CACNA2D1: variants seen among roughly 807,000 people sequenced by gnomAD.
The protein encoded by CACNA2D1 is voltage-dependent calcium channel subunit alpha-2/delta-1.
Under a neutral mutation model 171.5 loss-of-function variants are expected in CACNA2D1, and 53 were observed. The ratio of observed to expected loss-of-function variants is 0.31; its 90% CI spans 0.25 to 0.39. The LOEUF (loss-of-function observed/expected upper bound fraction) is 0.39, where lower values mean the gene tolerates loss of function less well. Ranked by LOEUF, CACNA2D1 falls within the 10% of genes least tolerant of loss-of-function variation. The probability of loss-of-function intolerance (pLI) is 1.00; values close to 1 mark genes in which losing one functional copy is unlikely to be tolerated. For missense variants in CACNA2D1, 903 were observed against 1,299.8 expected (o/e 0.69, Z 4.69); for synonymous variants, 442 against 443.1 (o/e 1.00, Z 0.03).
intron 3 of CACNA2D1, among the ~76,000 whole-genome samples, chr7:82,190,955 T>A (rs953711490): frequency 2.0e-5 from 3 of 151,742 alleles, no homozygotes; most frequent in Non-Finnish European, 4.4e-5. Flanking sequence ...TGTTCCATTG[T>A]ATATGTATAG....
intron 3 of CACNA2D1, among the ~76,000 whole-genome samples, chr7:82,281,716 T>A (rs1016600204): frequency 6.6e-6 from 1 of 152,170 alleles, no homozygotes; most frequent in Non-Finnish European, 1.5e-5. Flanking sequence ...TTTGTATCAA[T>A]GTTAAATGTA....
chr7:82,306,877 CA>C (rs56102718), intron 3 of CACNA2D1, among the ~76,000 whole-genome samples: 61,143 of 134,066 alleles, frequency 0.46, 14,108 homozygotes, highest in African/African-American at 0.67. Flanking sequence ...CGAAAAAATA[CA>C]AAAAAAAAAA....
At chr7:82,303,054 T>C (rs557397998) in intron 3 of CACNA2D1, among the ~76,000 whole-genome samples, 23 of 152,038 alleles carry the variant, frequency 1.5e-4, no homozygotes, top group South Asian at 6.2e-4. Context: ...AGTGCAGTGG[T>C]GCGATCTCGG....
At position 82,258,863 on chromosome 7, in the gene CACNA2D1, A is replaced by T. The variant is rs181560636; in HGVS notation, c.294+76272T>A. Among the ~76,000 whole-genome samples the T allele has an allele frequency of 1.2e-4, 14 of 113,874 alleles. No homozygotes were observed. In the East Asian group the frequency reaches 3.5e-3, roughly 29 times the overall value. The allele number at this position is 113,874 out of a possible 152,430, so 74.7% of individuals were successfully genotyped here. A position where few individuals can be genotyped will look rare whatever the true frequency, so the allele number is the denominator to read the frequency against. Reference sequence around the variant, plus strand: ...TTGAGACAGTTTCGCTCCGTTGCACAGGCTGGAGTGAAGTGGCACAATGGC... The same window carrying T: ...TTGAGACAGTTTCGCTCCGTTGCACTGGCTGGAGTGAAGTGGCACAATGGC... On this transcript the variant is annotated intron_variant, in intron 3 of 38. Transcript: ENST00000356860.
chr7:82,238,632 T>C (rs1803892585), intron 3 of CACNA2D1, among the ~76,000 whole-genome samples: 1 of 152,102 alleles, frequency 6.6e-6, no homozygotes, highest in Non-Finnish European at 1.5e-5. Flanking sequence ...GAAGTGTAAA[T>C]TGGTTCAGCC....
chr7:82,303,689 A>G (rs368561357), intron 3 of CACNA2D1, among the ~76,000 whole-genome samples: 110 of 152,138 alleles, frequency 7.2e-4, no homozygotes, highest in African/African-American at 2.6e-3. Context: ...CTGGGCCCCT[A>G]TCTTTCACCA....
chr7:82,242,274 AT>A (rs10718788), intron 3 of CACNA2D1, among the ~76,000 whole-genome samples: 36,433 of 152,002 alleles, frequency 0.24, 4,917 homozygotes, highest in Non-Finnish European at 0.31. Flanking sequence ...TACTAAAATA[AT>A]TTTTAATACA....
chr7:82,306,502 A>G (rs1813750964), intron 3 of CACNA2D1, among the ~76,000 whole-genome samples: 1 of 152,242 alleles, frequency 6.6e-6, no homozygotes, highest in African/African-American at 2.4e-5. Flanking sequence ...GGGAAAGTCC[A>G]ATTGCACATG....
intron 38 of CACNA2D1, among the ~76,000 whole-genome samples, chr7:81,955,328 G>A (rs1562768817): frequency 6.6e-6 from 1 of 152,094 alleles, no homozygotes; most frequent in Non-Finnish European, 1.5e-5. Flanking sequence ...CTACATTGGA[G>A]CATAGACCAT....
At chr7:81,998,674 T>G (rs1798290954) in intron 18 of CACNA2D1, among the ~76,000 whole-genome samples, 1 of 152,058 alleles carries the variant, frequency 6.6e-6, no homozygotes, top group Admixed American at 6.6e-5. Context: ...GCTTAAGTAC[T>G]CTATCACTAC....
rs1377701025 is a variant in CACNA2D1 at position 82,140,968 on chromosome 7, AAG to A, written c.355-4294_355-4293del. On this transcript the variant is annotated intron_variant, in intron 4 of 38. Transcript: ENST00000356860. ...AGACTCGTCTCTAAAAAAAAAAAAAAAGAAAAAAAAATTGCAATTATTCGTTT... is the reference window on the plus strand; with the variant it reads ...AGACTCGTCTCTAAAAAAAAAAAAAAAAAAAAAAATTGCAATTATTCGTTT... Among the ~76,000 whole-genome samples the A allele has an allele frequency of 3.8e-4, 32 of 83,126 alleles. 2 individuals carry two copies. Among genetic ancestry groups the A allele is most frequent in the South Asian group, 9.1e-4 (2 of 2,192 alleles). The allele number at this position is 83,126 out of a possible 152,430, so 54.5% of individuals were successfully genotyped here.
intron 1 of CACNA2D1, among the ~76,000 whole-genome samples, chr7:82,400,867 C>A (rs889014295): frequency 1.3e-5 from 2 of 151,560 alleles, no homozygotes; most frequent in African/African-American, 4.9e-5. Context: ...AAGAAAAAAA[C>A]AAACAACCCC....
intron 12 of CACNA2D1, among the ~76,000 whole-genome samples, chr7:82,019,798 G>T (rs1800966489): frequency 6.6e-6 from 1 of 151,956 alleles, no homozygotes; most frequent in Admixed American, 6.6e-5. Context: ...AAGAATAATG[G>T]AAATTAGTCT....
chr7:82,287,280 C>T (rs1159828676), intron 3 of CACNA2D1, among the ~76,000 whole-genome samples: 1 of 147,072 alleles, frequency 6.8e-6, no homozygotes, highest in African/African-American at 2.6e-5. Flanking sequence ...TTTTAATACA[C>T]TAGAGTCCCT....
chr7:82,132,500 C>G (rs1791108973), intron 5 of CACNA2D1, among the ~76,000 whole-genome samples: 1 of 152,158 alleles, frequency 6.6e-6, no homozygotes, highest in Non-Finnish European at 1.5e-5. Flanking sequence ...GTGATGTATG[C>G]AAACTCTGAG....
chr7:81,981,136 G>A (rs778620991), intron 24 of CACNA2D1, among the ~76,000 whole-genome samples: 2 of 152,178 alleles, frequency 1.3e-5, no homozygotes, highest in Admixed American at 1.3e-4. Flanking sequence ...AACCTAACCT[G>A]TAGGCAGAGA....
At chr7:82,056,951 T>TGCA in intron 10 of CACNA2D1, among the ~76,000 whole-genome samples, 1 of 152,132 alleles carries the variant, frequency 6.6e-6, no homozygotes, top group Non-Finnish European at 1.5e-5. Flanking sequence ...TCACAGGGTC[T>TGCA]ACCATATGTT....
chr7:81,984,125 C>T (rs776461420), intron 22 of CACNA2D1, among the ~76,000 whole-genome samples: 1 of 151,960 alleles, frequency 6.6e-6, no homozygotes, highest in Non-Finnish European at 1.5e-5. Flanking sequence ...AAGTTAATTG[C>T]CAAACCAAAG....
chr7:82,430,899 A>G (rs1164682504), intron 1 of CACNA2D1, among the ~76,000 whole-genome samples: 2 of 152,226 alleles, frequency 1.3e-5, no homozygotes, highest in Non-Finnish European at 2.9e-5. Flanking sequence ...AAAAACTCAC[A>G]TCTTTGACAA....
Sources: allele counts gnomAD v4.1 joint callset (sites outside exome capture counted in the v4.1 genomes callset), GRCh38; gene constraint gnomAD v4.1.1; transcripts MANE v1.5; gene names NCBI Gene and HGNC (gene_info 2026-07-23, HGNC 2026-07-21).